SEMA5A: variants seen among roughly 807,000 people sequenced by gnomAD.
SEMA5A encodes the protein semaphorin-5A.
In SEMA5A, 55 loss-of-function variants were observed where a neutral mutation model predicts 135.5. The ratio of observed to expected loss-of-function variants is 0.41; its 90% CI spans 0.33 to 0.51. SEMA5A has a LOEUF of 0.51. Ranked by LOEUF, SEMA5A falls within the 20% of genes least tolerant of loss-of-function variation. SEMA5A has a pLI of 0.37. For missense variants in SEMA5A, 1,290 were observed against 1,419.9 expected (o/e 0.91, Z 1.47); for synonymous variants, 580 against 546.5 (o/e 1.06, Z -0.85).
chr5:9,491,797 G>A (rs940788434), intron 1 of SEMA5A, among the ~76,000 whole-genome samples: 6 of 152,164 alleles, frequency 3.9e-5, no homozygotes, highest in African/African-American at 9.7e-5. Context: ...ATGCCCTAAT[G>A]CCTTGAAGGT....
chr5:9,316,567 G>C (rs1752397941), intron 5 of SEMA5A, among the ~76,000 whole-genome samples: 1 of 152,058 alleles, frequency 6.6e-6, no homozygotes, highest in Non-Finnish European at 1.5e-5. Context: ...ATAATATGTA[G>C]TTTCTATCTA....
Position 9,063,044 on chromosome 5 carries a change from C to T in SEMA5A, c.2361G>A (p.Trp787Ter). 6.2e-7 allele frequency: 1 copy of T among 1,614,222 alleles called. No homozygotes were observed. The highest frequency in any genetic ancestry group is 8.5e-7 in the Non-Finnish European group (1 of 1,180,042). The change falls in exon 18 of 23, where the codon TGG (tryptophan) becomes TGA (stop). Residue 787 changes from tryptophan to a stop codon, truncating the protein, a stop_gained. Coordinates refer to ENST00000382496, the MANE Select transcript of SEMA5A (RefSeq NM_003966.3). LOFTEE classifies it high-confidence loss of function. ...RYSAHTVNGA[W>*]SAWTSWSQCS... is the part of the protein sequence containing the mutation. The stretch of plus-strand genomic sequence containing the variant: ...ACTGTGACCACGACGTCCAGGCTGA[C>T]CAAGCCCCGTTGACCGTGTGGGCAG...
At chr5:9,143,274 A>G (rs1364336237) in intron 12 of SEMA5A, among the ~76,000 whole-genome samples, 6 of 152,204 alleles carry the variant, frequency 3.9e-5, no homozygotes, top group Admixed American at 1.3e-4. Flanking sequence ...AAAACATTCT[A>G]TATTGAAAAT....
intron 6 of SEMA5A, among the ~76,000 whole-genome samples, chr5:9,231,202 C>CA (rs1055201939): frequency 1.3e-5 from 2 of 152,056 alleles, no homozygotes; most frequent in African/African-American, 4.8e-5. Context: ...ACGGTGGTTC[C>CA]ATGCCTGTAA....
At chr5:9,318,174 A>T (rs1752472214) in intron 5 of SEMA5A, among the ~76,000 whole-genome samples, 198 bp downstream of exon 5, 1 of 152,202 alleles carries the variant, frequency 6.6e-6, no homozygotes, top group Non-Finnish European at 1.5e-5. Flanking sequence ...TGACAGGAGG[A>T]AAAGGCTAAT....
At chr5:9,349,318 G>A (rs1229790064) in intron 3 of SEMA5A, among the ~76,000 whole-genome samples, 1 of 152,178 alleles carries the variant, frequency 6.6e-6, no homozygotes, top group East Asian at 1.9e-4. Context: ...ATTCATGTAC[G>A]TAGTCAAGTA....
rs1296326445 is a variant in SEMA5A, at chr5:9,392,543, A to G, written c.-77-12520T>C. 2.0e-5 allele frequency among the ~76,000 whole-genome samples: 3 copies of G among 152,208 alleles called. No individual in the cohort carries two copies. In the East Asian group the frequency reaches 5.8e-4, roughly 29 times the overall value. ...GCTCAATGACAGCAAAATAGTTTCCAGAGGCCTTTGTCCTCAGTCATTTCA... is the reference window on the plus strand; with the variant it reads ...GCTCAATGACAGCAAAATAGTTTCCGGAGGCCTTTGTCCTCAGTCATTTCA... On this transcript the variant is annotated intron_variant, in intron 2 of 22. Transcript: ENST00000382496.
chr5:9,264,741 G>C (rs1031817155), intron 5 of SEMA5A, among the ~76,000 whole-genome samples: 2 of 152,166 alleles, frequency 1.3e-5, no homozygotes. Context: ...CATAAAAAAG[G>C]AAGCACATCT....
Position 9,353,312 on chromosome 5 carries a change from G to A in SEMA5A, c.125-15500C>T, listed in dbSNP as rs1470195402. Among the ~76,000 whole-genome samples the A allele has an allele frequency of 2.0e-4, 13 of 63,574 alleles. No homozygotes were observed. In the South Asian group the frequency reaches 3.4e-3, roughly 17 times the overall value. The allele number at this position is 63,574 out of a possible 152,430, so 41.7% of individuals were successfully genotyped here. A position where few individuals can be genotyped will look rare whatever the true frequency, so the allele number is the denominator to read the frequency against. On this transcript the variant is annotated intron_variant, in intron 3 of 22. Transcript: ENST00000382496. ...GGGAAAGGAAGGGAAGGGAAGGGAA[G>A]GGAAAGGAAGGAAAGGAAAGGAAAT...
At chr5:9,169,098 G>C (rs1483467982) in intron 11 of SEMA5A, among the ~76,000 whole-genome samples, 1 of 152,096 alleles carries the variant, frequency 6.6e-6, no homozygotes, top group African/African-American at 2.4e-5. Flanking sequence ...AGCTAACAAT[G>C]CTGTACTTTA....
At chr5:9,118,597 A>G (rs1363070538) in intron 15 of SEMA5A, among the ~76,000 whole-genome samples, 1 of 152,132 alleles carries the variant, frequency 6.6e-6, no homozygotes, top group African/African-American at 2.4e-5. Context: ...GCACCTGCCC[A>G]GTAGTGTCTG....
rs1023479163 is a variant in SEMA5A, at chr5:9,130,575, T to C, written c.1599+5929A>G. On this transcript the variant is annotated intron_variant, in intron 13 of 22. Transcript: ENST00000382496. The stretch of plus-strand genomic sequence containing the variant: ...CTCTGAGCCCCACCTCTTCCATTTA[T>C]AAAATGGAAGCAAAAATATCCATCC... 3.3e-5 allele frequency among the ~76,000 whole-genome samples: 5 copies of C among 152,278 alleles called. No homozygotes were observed. The East Asian group carries it at 5.8e-4, about 18-fold the overall frequency.
chr5:9,485,566 C>A (rs1579618726), intron 1 of SEMA5A, among the ~76,000 whole-genome samples: 1 of 152,140 alleles, frequency 6.6e-6, no homozygotes, highest in Non-Finnish European at 1.5e-5. Context: ...GCTGCTCCAC[C>A]CTGTGTCAAG....
intron 1 of SEMA5A, among the ~76,000 whole-genome samples, chr5:9,492,270 C>T (rs778418996): frequency 2.6e-5 from 4 of 152,180 alleles, no homozygotes; most frequent in African/African-American, 7.2e-5. Flanking sequence ...CAGAAAAACA[C>T]AAATTACCAA....
Position 9,304,839 on chromosome 5 carries a change from A to G in SEMA5A, c.270+13533T>C, listed in dbSNP as rs141616229. Among the ~76,000 whole-genome samples the G allele has an allele frequency of 9.0e-3, 1,368 of 152,314 alleles. 9 individuals are homozygous for G. The highest frequency in any genetic ancestry group is 0.015 in the Non-Finnish European group (1,054 of 68,022). On this transcript the variant is annotated intron_variant, in intron 5 of 22. Transcript: ENST00000382496. ...ATGGGCCATGAAATAAGATTTTACTACATCTTGTTTCTCAAAACAATTATA... is the reference window on the plus strand; with the variant it reads ...ATGGGCCATGAAATAAGATTTTACTGCATCTTGTTTCTCAAAACAATTATA...
At chr5:9,402,899 G>A (rs1479213315) in intron 2 of SEMA5A, among the ~76,000 whole-genome samples, 1 of 152,094 alleles carries the variant, frequency 6.6e-6, no homozygotes, top group African/African-American at 2.4e-5. Context: ...AGGAACTTCT[G>A]GACTTGGTCT....
Position 9,190,375 on chromosome 5 carries a change from C to G in SEMA5A, c.1165G>C (p.Val389Leu), listed in dbSNP as rs1225547777. 4.3e-6 allele frequency: 7 copies of G among 1,613,934 alleles called. No homozygotes were observed. In the Admixed American group the frequency reaches 1.0e-4, roughly 23 times the overall value. ...TCCATGAAGGAGGGCACTGTGGTCA[C>G]TGGCTGTACCACCTCATGCATCAGA... Reference protein sequence around the residue: ...FILMHEVVQPVTTVPSFMEDN... With the variant: ...FILMHEVVQPLTTVPSFMEDN... Residue 389 changes from valine to leucine, a missense_variant, in exon 11 of 23, where the codon GTG (valine) becomes CTG (leucine). Transcript: ENST00000382496.
chr5:9,492,699 C>G (rs936221539), intron 1 of SEMA5A, among the ~76,000 whole-genome samples: 1 of 152,148 alleles, frequency 6.6e-6, no homozygotes, highest in Non-Finnish European at 1.5e-5. Flanking sequence ...AAGAAATGAG[C>G]TAGCAAGCAA....
chr5:9,286,966 C>A (rs1158472688), intron 5 of SEMA5A, among the ~76,000 whole-genome samples: 3 of 152,154 alleles, frequency 2.0e-5, no homozygotes, highest in Admixed American at 6.6e-5. Context: ...TAGTTGCAGG[C>A]AAAACAATCA....
Sources: gnomAD v4.1 joint callset for allele counts (sites outside exome capture counted in the v4.1 genomes callset) on GRCh38, gnomAD v4.1.1 for gene constraint, MANE v1.5 for transcripts, NCBI Gene and HGNC (gene_info 2026-07-23, HGNC 2026-07-21) for gene names.